The following CYSTM1 variants were observed in gnomAD, a reference collection of about 807,000 sequenced individuals.
The protein encoded by CYSTM1 is cysteine-rich transmembrane module-containing protein 1.
In CYSTM1, 4 loss-of-function variants were observed where a neutral mutation model predicts 13.1. That is an observed-to-expected ratio of 0.31 (90% CI 0.15 to 0.70). CYSTM1 has a LOEUF of 0.70. CYSTM1 is among the 30% of genes least tolerant of loss of function. CYSTM1 has a pLI of 0.72. For missense variants in CYSTM1, 96 were observed against 121.6 expected (o/e 0.79, Z 0.99); for synonymous variants, 36 against 42.7 (o/e 0.84, Z 0.62).
In CYSTM1 at chr5:140,177,078, A is replaced by AAAAAACAAAAAAC. The variant is rs1554131558; in HGVS notation, c.-21+1798_-21+1799insCAAAAAACAAAAA. Among the ~76,000 whole-genome samples the AAAAAACAAAAAAC allele has an allele frequency of 3.4e-3, 465 of 135,610 alleles. 8 individuals carry two copies. The highest frequency in any genetic ancestry group is 6.2e-3 in the Non-Finnish European group (387 of 62,498). The allele number at this position is 135,610 out of a possible 152,430, so 89.0% of individuals were successfully genotyped here. On this transcript the variant is annotated intron_variant, in intron 1 of 2. Transcript: ENST00000261811. ...AGCGAGACTCTGTCTCAAAAAAAAA[A>AAAAAACAAAAAAC]AAAAAAAAATCTCTAGTCCTTTCCT... is the stretch of plus-strand genomic sequence containing the variant.
intron 1 of CYSTM1, among the ~76,000 whole-genome samples, chr5:140,193,711 C>T (rs1764119330): frequency 1.3e-5 from 2 of 152,236 alleles, no homozygotes; most frequent in South Asian, 4.1e-4. Context: ...GGCTGGGAAG[C>T]GTGGCTTCCC....
intron 2 of CYSTM1, among the ~76,000 whole-genome samples, chr5:140,222,698 A>G (rs1208168198): frequency 6.6e-6 from 1 of 152,212 alleles, no homozygotes; most frequent in African/African-American, 2.4e-5. Flanking sequence ...CCCTGCCTAG[A>G]AGGATGTTGG....
chr5:140,226,546 AATATAAT>A (rs1263209531), intron 2 of CYSTM1, among the ~76,000 whole-genome samples: 59 of 112,096 alleles, frequency 5.3e-4, no homozygotes, highest in Admixed American at 2.6e-3. Context: ...ATATATTAAT[AATATAAT>A]ATATAATATA....
intron 2 of CYSTM1, among the ~76,000 whole-genome samples, chr5:140,206,808 A>G (rs373638297): frequency 2.0e-5 from 3 of 151,988 alleles, no homozygotes; most frequent in East Asian, 1.9e-4. Context: ...TTTTTAAAAA[A>G]TTTTTTGTAG....
intron 2 of CYSTM1, among the ~76,000 whole-genome samples, chr5:140,203,416 G>T (rs1678613643): frequency 6.6e-6 from 1 of 152,182 alleles, no homozygotes; most frequent in African/African-American, 2.4e-5. Context: ...GCAACATGAA[G>T]TCTATCTAGC....
In CYSTM1 at chr5:140,219,510, C is replaced by T. The variant is rs1020501477; in HGVS notation, c.188-23795C>T. On this transcript the variant is annotated intron_variant, in intron 2 of 2. Coordinates refer to ENST00000261811, the MANE Select transcript of CYSTM1 (RefSeq NM_032412.4). This position sits in a 1 kb window ranked among gnomAD's most constrained non-coding sequence, Gnocchi z 4.1. ...ATGGTCATCCTGTCCCATCCCTGACCTTGGAACTCACTGTGTACCAGCCTC... is the reference window on the plus strand; with the variant it reads ...ATGGTCATCCTGTCCCATCCCTGACTTTGGAACTCACTGTGTACCAGCCTC... Among the ~76,000 whole-genome samples, 12 of 152,150 alleles carry T rather than the reference C, an allele frequency of 7.9e-5. No individual in the cohort carries two copies. The highest frequency in any genetic ancestry group is 2.9e-4 in the African/African-American group (12 of 41,424).
chr5:140,198,185 C>A (rs1764178300), intron 2 of CYSTM1, among the ~76,000 whole-genome samples: 1 of 152,176 alleles, frequency 6.6e-6, no homozygotes, highest in Admixed American at 6.6e-5. Context: ...CACAACAACC[C>A]CATAGTATCA....
chr5:140,193,154 A>G (rs1035412682), intron 1 of CYSTM1, among the ~76,000 whole-genome samples: 15 of 152,262 alleles, frequency 9.9e-5, no homozygotes, highest in African/African-American at 3.4e-4. Flanking sequence ...AGACACTCAA[A>G]TAGGTAAAAA....
rs1763870323 is a variant in CYSTM1 at position 140,175,556 on chromosome 5, T to C, written c.-21+271T>C. On this transcript the variant is annotated intron_variant, in intron 1 of 2. Transcript: ENST00000261811. This position sits in a 1 kb window ranked among gnomAD's most constrained non-coding sequence, Gnocchi z 4.9. Reference sequence around the variant, plus strand: ...GTCTCGGCGGTGGACTCACAGGGTCTCCGCGTCGCTGCGGTTCTCGTCTCA... The same window carrying C: ...GTCTCGGCGGTGGACTCACAGGGTCCCCGCGTCGCTGCGGTTCTCGTCTCA... Among the ~76,000 whole-genome samples, 1 of 152,306 alleles carries C rather than the reference T, an allele frequency of 6.6e-6. No individual in the cohort carries two copies. The highest frequency in any genetic ancestry group is 1.9e-4 in the East Asian group (1 of 5,158).
At chr5:140,232,766 G>A (rs181908333) in intron 2 of CYSTM1, among the ~76,000 whole-genome samples, 1 of 152,208 alleles carries the variant, frequency 6.6e-6, no homozygotes, top group Middle Eastern at 3.2e-3. Flanking sequence ...ACTAGCTGAG[G>A]CAGGAAGGCT....
chr5:140,226,501 TATAA>T (rs70988738), intron 2 of CYSTM1, among the ~76,000 whole-genome samples: 8,601 of 114,060 alleles, frequency 0.075, 411 homozygotes, highest in Non-Finnish European at 0.11. Flanking sequence ...ATATAATATA[TATAA>T]ATATATATTA....
At chr5:140,215,651 T>A (rs1764417141) in intron 2 of CYSTM1, among the ~76,000 whole-genome samples, 1 of 152,150 alleles carries the variant, frequency 6.6e-6, no homozygotes, top group Non-Finnish European at 1.5e-5. Flanking sequence ...GAGATAGCAG[T>A]TAACATTTTG....
At chr5:140,186,624 T>C (rs992849769) in intron 1 of CYSTM1, among the ~76,000 whole-genome samples, 3 of 152,218 alleles carry the variant, frequency 2.0e-5, no homozygotes, top group Non-Finnish European at 4.4e-5. Context: ...GCTGGTGTTA[T>C]TGTCTGTCTC....
At chr5:140,215,074 T>G (rs377290750) in intron 2 of CYSTM1, among the ~76,000 whole-genome samples, 6 of 152,228 alleles carry the variant, frequency 3.9e-5, no homozygotes, top group African/African-American at 1.4e-4. Flanking sequence ...TCAGTGTGGT[T>G]AGCCACAGGG....
At chr5:140,243,210 CT>C (rs1764772496) in intron 2 of CYSTM1, 94 bp from the exon 3 acceptor site, 9 of 950,742 alleles carry the variant, frequency 9.5e-6, no homozygotes, top group Non-Finnish European at 1.3e-5. Flanking sequence ...TAGTTTTCCC[CT>C]GGTGTAGCCT....
At position 140,230,599 on chromosome 5, in the gene CYSTM1, ACAT is replaced by A. The variant is rs1163891073; in HGVS notation, c.188-12700_188-12698del. Among the ~76,000 whole-genome samples the A allele has an allele frequency of 1.9e-4, 29 of 152,224 alleles. No homozygotes were observed. Among genetic ancestry groups the A allele is most frequent in the African/African-American group, 7.0e-4 (29 of 41,452 alleles). ...ACATGCAGTGAAAATTCAGGCTGTG[ACAT>A]CATCAGCAGGCTCATTCTGTCCAAA... On this transcript the variant is annotated intron_variant, in intron 2 of 2. Transcript: ENST00000261811. The surrounding 1 kb of genome is among the most constrained non-coding windows in gnomAD (Gnocchi z 4.1).
chr5:140,182,986 A>G (rs935640725), intron 1 of CYSTM1, among the ~76,000 whole-genome samples: 1 of 152,180 alleles, frequency 6.6e-6, no homozygotes, highest in African/African-American at 2.4e-5. Flanking sequence ...ATGATGGAGC[A>G]AAGCCAGGCT....
chr5:140,176,608 G>A (rs1763888708), intron 1 of CYSTM1, among the ~76,000 whole-genome samples: 1 of 152,164 alleles, frequency 6.6e-6, no homozygotes, highest in South Asian at 2.1e-4. Context: ...AGGTTTCAGA[G>A]TGACTTACAA....
At chr5:140,222,587 G>A (rs1051710317) in intron 2 of CYSTM1, among the ~76,000 whole-genome samples, 1 of 152,264 alleles carries the variant, frequency 6.6e-6, no homozygotes, top group Non-Finnish European at 1.5e-5. Flanking sequence ...ATCAGTTCCA[G>A]TGTACTGGTA....
Sources: allele counts gnomAD v4.1 joint callset (sites outside exome capture counted in the v4.1 genomes callset), GRCh38; gene constraint gnomAD v4.1.1; non-coding constraint Gnocchi (gnomAD v3.1); transcripts MANE v1.5; gene names NCBI Gene and HGNC (gene_info 2026-07-23, HGNC 2026-07-21).